The following FOLH1 variants were observed in gnomAD, a reference collection of about 807,000 sequenced individuals.
FOLH1 encodes the protein folate hydrolase 1, also known as glutamate carboxypeptidase 2.
FOLH1 carries 54 observed loss-of-function variants against 93.9 expected under a neutral mutation model. The ratio of observed to expected loss-of-function variants is 0.57; its 90% CI spans 0.46 to 0.72. The LOEUF (loss-of-function observed/expected upper bound fraction) is 0.72. Among genes scored for constraint, FOLH1 ranks in the 30% least tolerant of loss-of-function variants. FOLH1 has a pLI of 0.00. For missense variants in FOLH1, 571 were observed against 892.5 expected (o/e 0.64, Z 4.59); for synonymous variants, 249 against 303.6 (o/e 0.82, Z 1.87).
At chr11:49,191,456 A>C (rs560177255) in intron 4 of FOLH1, among the ~76,000 whole-genome samples, 4 of 152,318 alleles carry the variant, frequency 2.6e-5, no homozygotes, top group African/African-American at 9.6e-5. Context: ...CCCATACAAC[A>C]TGTGTGCTCT....
chr11:49,172,182 T>G (rs1177654179), intron 10 of FOLH1, among the ~76,000 whole-genome samples: 1 of 152,204 alleles, frequency 6.6e-6, no homozygotes, highest in East Asian at 1.9e-4. Flanking sequence ...TCCATTTCTT[T>G]GGCATATTCT....
intron 3 of FOLH1, among the ~76,000 whole-genome samples, chr11:49,197,510 T>C (rs1794016538): frequency 6.6e-6 from 1 of 152,232 alleles, no homozygotes; most frequent in Non-Finnish European, 1.5e-5. Flanking sequence ...CTTTATGGGA[T>C]GTTATTTCTG....
intron 17 of FOLH1, among the ~76,000 whole-genome samples, chr11:49,153,389 GT>G (rs1856674102): frequency 6.6e-6 from 1 of 151,078 alleles, no homozygotes; most frequent in African/African-American, 2.4e-5. Flanking sequence ...AAGAAATCAT[GT>G]TTTGAAAAAT....
Position 49,146,413 on chromosome 11 carries a change from T to C in FOLH1, c.*343A>G, listed in dbSNP as rs1367557570. On this transcript the variant is annotated 3_prime_UTR_variant, in exon 19 of 19. Transcript: ENST00000256999. ...ATATTCCCCAGTGTGCTCTCTGACATACTGATGTTTTCTTCTGTGTGAAGT... is the reference window on the plus strand; with the variant it reads ...ATATTCCCCAGTGTGCTCTCTGACACACTGATGTTTTCTTCTGTGTGAAGT... Among the ~76,000 whole-genome samples the C allele has an allele frequency of 3.3e-5, 5 of 152,290 alleles. No individual in the cohort carries two copies. The East Asian group carries it at 7.7e-4, about 24-fold the overall frequency.
chr11:49,171,432 G>A, intron 10 of FOLH1, 155 bp from the exon 11 acceptor site: 10 of 1,069,940 alleles, frequency 9.3e-6, no homozygotes, highest in Admixed American at 6.4e-5. Context: ...AACTTTTTTT[G>A]TAAGATTTTA....
intron 1 of FOLH1, chr11:49,206,830 A>G (rs1864027527): frequency 6.5e-7 from 1 of 1,528,610 alleles, no homozygotes; most frequent in Non-Finnish European, 8.8e-7. Flanking sequence ...GAAACAATGG[A>G]TAGCTAGATC....
At chr11:49,151,278 G>A (rs1346039337) in intron 17 of FOLH1, among the ~76,000 whole-genome samples, 1 of 152,224 alleles carries the variant, frequency 6.6e-6, no homozygotes, top group Non-Finnish European at 1.5e-5. Flanking sequence ...TAGCAACTCC[G>A]ATAAACAGTT....
chr11:49,205,231 GA>G (rs879441629), intron 2 of FOLH1, among the ~76,000 whole-genome samples: 6 of 147,488 alleles, frequency 4.1e-5, no homozygotes, highest in African/African-American at 7.5e-5. Context: ...GAAAAGAAAA[GA>G]AAAAAAAACA....
intron 12 of FOLH1, among the ~76,000 whole-genome samples, chr11:49,166,079 T>C (rs1280007121): frequency 3.9e-5 from 6 of 152,188 alleles, no homozygotes; most frequent in Non-Finnish European, 8.8e-5. Flanking sequence ...GCTAGAAAAC[T>C]GATACAAAAT....
chr11:49,174,701 T>C (rs1387815986), intron 9 of FOLH1, among the ~76,000 whole-genome samples, 191 bp downstream of exon 9: 1 of 152,190 alleles, frequency 6.6e-6, no homozygotes, highest in African/African-American at 2.4e-5. Flanking sequence ...CATTCACTTT[T>C]ATTCACCACC....
At chr11:49,178,743 GA>G (rs1313653381) in intron 7 of FOLH1, among the ~76,000 whole-genome samples, 1 of 152,084 alleles carries the variant, frequency 6.6e-6, no homozygotes, top group African/African-American at 2.4e-5. Context: ...AAAAATATTA[GA>G]AAGTACCATT....
At chr11:49,183,912 G>A (rs1204088636) in intron 6 of FOLH1, among the ~76,000 whole-genome samples, 3 of 151,796 alleles carry the variant, frequency 2.0e-5, no homozygotes, top group African/African-American at 7.3e-5. Context: ...TGATGGAAAG[G>A]CCCTTATATT....
chr11:49,151,276 C>G (rs535435746), intron 17 of FOLH1, among the ~76,000 whole-genome samples: 11 of 152,324 alleles, frequency 7.2e-5, no homozygotes, highest in Admixed American at 5.2e-4. Flanking sequence ...GTTAGCAACT[C>G]CGATAAACAG....
At chr11:49,191,264 G>C (rs761343727) in intron 4 of FOLH1, among the ~76,000 whole-genome samples, 21 of 152,094 alleles carry the variant, frequency 1.4e-4, no homozygotes, top group Non-Finnish European at 2.8e-4. Flanking sequence ...CGCCCCCCTC[G>C]GCCTCCTAGA....
At chr11:49,198,270 A>G (rs1862851073) in intron 3 of FOLH1, among the ~76,000 whole-genome samples, 1 of 152,122 alleles carries the variant, frequency 6.6e-6, no homozygotes, top group Admixed American at 6.5e-5. Flanking sequence ...TAACGAGGTC[A>G]GCAGATCGAG....
At chr11:49,178,820 C>G (rs546464568) in intron 7 of FOLH1, among the ~76,000 whole-genome samples, 1 of 152,260 alleles carries the variant, frequency 6.6e-6, no homozygotes, top group South Asian at 2.1e-4. Flanking sequence ...AATGTATAGA[C>G]AGTATTGAGT....
chr11:49,146,848 G>C lies in FOLH1; in HGVS notation c.2161C>G (p.Pro721Ala), dbSNP rs1166321910. Residue 721 changes from proline (P) to alanine (A), a missense_variant, in exon 19 of 19, where the codon CCT (proline) becomes GCT (alanine). Around this residue, in one of 2 missense-constraint regions of FOLH1, gnomAD observed 500 missense variants for 822.9 expected, o/e 0.61. Coordinates refer to ENST00000256999, the MANE Select transcript of FOLH1 (RefSeq NM_004476.3). ...TTCACTTCTCCCCAGGCCTTGGAAG[G>C]GTCCACTTTGCTTTCAATATCAAAC... ...ALFDIESKVD[P>A]SKAWGEVKRQ... The C allele has an allele frequency of 1.2e-6, 2 of 1,613,410 alleles. No individual in the cohort carries two copies. The highest frequency in any genetic ancestry group is 1.1e-5 in the South Asian group (1 of 91,068).
rs1358229768 is a variant in FOLH1 at position 49,194,401 on chromosome 11, G to T, written c.412-1507C>A. ...AATCAGCCTTCAAATTAGCCTTAAA[G>T]AATTCCCAAATTCTTATTACTATCA... is the stretch of plus-strand genomic sequence containing the variant. On this transcript the variant is annotated intron_variant, in intron 3 of 18. Coordinates refer to ENST00000256999, the MANE Select transcript of FOLH1 (RefSeq NM_004476.3). Among the ~76,000 whole-genome samples, 6 of 151,958 alleles carry T rather than the reference G, an allele frequency of 3.9e-5. No homozygotes were observed. The East Asian group carries it at 9.7e-4, about 25-fold the overall frequency.
intron 2 of FOLH1, among the ~76,000 whole-genome samples, chr11:49,200,948 C>T (rs1366848796): frequency 2.6e-5 from 4 of 151,822 alleles, no homozygotes; most frequent in Non-Finnish European, 4.4e-5. Context: ...CTGAACATAC[C>T]GATACAAGTT....
Sources: gnomAD v4.1 joint callset for allele counts (sites outside exome capture counted in the v4.1 genomes callset) on GRCh38, gnomAD v4.1.1 for gene constraint, gnomAD v4.1.1 regional missense constraint, MANE v1.5 for transcripts, NCBI Gene and HGNC (gene_info 2026-07-23, HGNC 2026-07-21) for gene names.